Variants in CNTN6 observed in about 807,000 individuals in gnomAD.
CNTN6 encodes the protein contactin 6.
A neutral mutation model predicts 122.8 loss-of-function variants in CNTN6; 137 were observed. The ratio of observed to expected loss-of-function variants is 1.12; its 90% CI spans 0.97 to 1.29. The LOEUF (loss-of-function observed/expected upper bound fraction) is 1.29. Ranked by LOEUF, CNTN6 falls within the 50% of genes most tolerant of loss-of-function variation. The probability of loss-of-function intolerance (pLI) is 0.00; values close to 1 mark genes in which losing one functional copy is unlikely to be tolerated. For missense variants in CNTN6, 1,634 were observed against 1,223.4 expected, an observed-to-expected ratio of 1.34 and a Z score of -5.01; for synonymous variants, 570 against 426.0, an observed-to-expected ratio of 1.34 and a Z score of -4.16.
chr3:1,124,625 A>G (rs1183194014), intron 1 of CNTN6, among the ~76,000 whole-genome samples: 2 of 151,926 alleles, frequency 1.3e-5, no homozygotes, highest in Non-Finnish European at 2.9e-5. Context: ...CTAAAATCTC[A>G]GACATCCCTG....
intron 2 of CNTN6, among the ~76,000 whole-genome samples, chr3:1,153,396 T>A (rs2092892115): frequency 6.6e-6 from 1 of 152,176 alleles, no homozygotes; most frequent in Non-Finnish European, 1.5e-5. Flanking sequence ...TTATAATAAG[T>A]CTTTGCAGCC....
intron 2 of CNTN6, among the ~76,000 whole-genome samples, chr3:1,208,091 A>G (rs557018086): frequency 6.6e-6 from 1 of 152,126 alleles, no homozygotes; most frequent in East Asian, 1.9e-4. Flanking sequence ...AGTGGTTTCA[A>G]ACGTTTGATA....
At chr3:1,293,196 C>T (rs1695624042) in intron 5 of CNTN6, among the ~76,000 whole-genome samples, 1 of 152,134 alleles carries the variant, frequency 6.6e-6, no homozygotes, top group African/African-American at 2.4e-5. Flanking sequence ...TGCTCCTCCC[C>T]ACTATTAATA....
intron 11 of CNTN6, among the ~76,000 whole-genome samples, chr3:1,342,070 T>C (rs1392594545): frequency 1.3e-5 from 2 of 151,822 alleles, no homozygotes; most frequent in Non-Finnish European, 2.9e-5. Context: ...TATTTCTCGA[T>C]TTTGTTGAAG....
chr3:1,146,291 C>T (rs1041228118), intron 1 of CNTN6, among the ~76,000 whole-genome samples: 1 of 152,098 alleles, frequency 6.6e-6, no homozygotes, highest in Non-Finnish European at 1.5e-5. Context: ...TGCCGCAGTT[C>T]TTCTGAATAT....
At chr3:1,264,755 A>T (rs2094900558) in intron 4 of CNTN6, among the ~76,000 whole-genome samples, 1 of 152,050 alleles carries the variant, frequency 6.6e-6, no homozygotes, top group Non-Finnish European at 1.5e-5. Context: ...GGAGTATACA[A>T]TACATTATTA....
intron 12 of CNTN6, 66 bp downstream of exon 12, chr3:1,352,517 T>A: frequency 1.3e-6 from 2 of 1,577,958 alleles, no homozygotes; most frequent in Non-Finnish European, 1.7e-6. Context: ...ATGACTTGTG[T>A]TATGGTGTCA....
At chr3:1,253,817 C>T (rs2094709755) in intron 4 of CNTN6, among the ~76,000 whole-genome samples, 1 of 152,270 alleles carries the variant, frequency 6.6e-6, no homozygotes, top group Non-Finnish European at 1.5e-5. Context: ...AGATTTCTAA[C>T]TGTCTATGGC....
intron 7 of CNTN6, among the ~76,000 whole-genome samples, chr3:1,310,914 T>C (rs1313714655): frequency 6.6e-6 from 1 of 151,950 alleles, no homozygotes; most frequent in Non-Finnish European, 1.5e-5. Flanking sequence ...AGCAGGAGAA[T>C]CGCTTGAACC....
At chr3:1,320,466 A>G (rs1167766331) in intron 7 of CNTN6, among the ~76,000 whole-genome samples, 1 of 151,616 alleles carries the variant, frequency 6.6e-6, no homozygotes, top group Admixed American at 6.6e-5. Flanking sequence ...CCAAATCTTT[A>G]TTTGCCAAGC....
At chr3:1,305,765 C>A (rs1022574974) in intron 7 of CNTN6, among the ~76,000 whole-genome samples, 9 of 152,056 alleles carry the variant, frequency 5.9e-5, no homozygotes, top group African/African-American at 2.2e-4. Flanking sequence ...TGTTCTGAAG[C>A]CTTCACACAG....
intron 20 of CNTN6, among the ~76,000 whole-genome samples, chr3:1,397,854 A>C (rs1411785937): frequency 6.6e-6 from 1 of 152,100 alleles, no homozygotes; most frequent in East Asian, 1.9e-4. Context: ...CTTCTGCCCA[A>C]ATGTCAACCC....
At position 1,176,184 on chromosome 3, in the gene CNTN6, G is replaced by A. The variant is rs541889541; in HGVS notation, c.55+28121G>A. Among the ~76,000 whole-genome samples, 12 of 152,262 alleles carry A rather than the reference G, an allele frequency of 7.9e-5. No individual in the cohort carries two copies. The South Asian group carries it at 1.9e-3, about 24-fold the overall frequency. On this transcript the variant is annotated intron_variant, in intron 2 of 22. Coordinates refer to ENST00000446702, the MANE Select transcript of CNTN6 (RefSeq NM_001289080.2). ...AATATAGTAGAAATATTGGGAGGCC[G>A]GGGCGGGCGGATCAACTAAGGTCGG...
chr3:1,261,150 A>G (rs890233781), intron 4 of CNTN6, among the ~76,000 whole-genome samples: 20 of 152,126 alleles, frequency 1.3e-4, no homozygotes, highest in Non-Finnish European at 4.4e-5. Flanking sequence ...TACGGGGCAC[A>G]TTTTAGTTAC....
chr3:1,289,260 C>T (rs139149806), intron 5 of CNTN6, among the ~76,000 whole-genome samples: 1 of 152,248 alleles, frequency 6.6e-6, no homozygotes, highest in African/African-American at 2.4e-5. Context: ...ATAAAAGCCC[C>T]CAGTGCAGGC....
At chr3:1,178,231 A>G (rs181746707) in intron 2 of CNTN6, among the ~76,000 whole-genome samples, 2 of 152,046 alleles carry the variant, frequency 1.3e-5, no homozygotes, top group Admixed American at 6.6e-5. Flanking sequence ...TTATTCTTCC[A>G]GGATTCCAAT....
At chr3:1,331,403 TG>T (rs1170135195) in intron 11 of CNTN6, among the ~76,000 whole-genome samples, 2 of 152,020 alleles carry the variant, frequency 1.3e-5, no homozygotes, top group African/African-American at 4.8e-5. Context: ...AGGCTGTTCT[TG>T]GGGAAATCCC....
chr3:1,244,079 C>T (rs981970888), intron 4 of CNTN6, among the ~76,000 whole-genome samples: 1 of 152,116 alleles, frequency 6.6e-6, no homozygotes, highest in Non-Finnish European at 1.5e-5. Flanking sequence ...AGAAATCGAA[C>T]GTGCCGTTTT....
chr3:1,191,562 T>C (rs1242987698), intron 2 of CNTN6, among the ~76,000 whole-genome samples: 1 of 152,206 alleles, frequency 6.6e-6, no homozygotes, highest in African/African-American at 2.4e-5. Context: ...TTCAGCCAGC[T>C]GTTTATTCGT....
Sources: gnomAD v4.1 joint callset for allele counts (sites outside exome capture counted in the v4.1 genomes callset) on GRCh38, gnomAD v4.1.1 for gene constraint, MANE v1.5 for transcripts, NCBI Gene and HGNC (gene_info 2026-07-23, HGNC 2026-07-21) for gene names.